LRRFIP1: variants seen among roughly 807,000 people sequenced by gnomAD.
The protein encoded by LRRFIP1 is LRR binding FLII interacting protein 1.
In LRRFIP1, 62 loss-of-function variants were observed where a neutral mutation model predicts 104.4. That is an observed-to-expected ratio of 0.59 (90% CI 0.48 to 0.73). The LOEUF is 0.73. Ranked by LOEUF, LRRFIP1 falls within the 30% of genes least tolerant of loss-of-function variation. The probability of loss-of-function intolerance (pLI) is 0.00; values close to 1 mark genes in which losing one functional copy is unlikely to be tolerated. For missense variants in LRRFIP1, 796 were observed against 824.5 expected, an observed-to-expected ratio of 0.97 and a Z score of 0.42; for synonymous variants, 300 against 299.0, an observed-to-expected ratio of 1.00 and a Z score of -0.03.
intron 2 of LRRFIP1, 192 bp downstream of exon 2, chr2:237,708,822 C>T: frequency 1.4e-6 from 1 of 709,720 alleles, no homozygotes; most frequent in Non-Finnish European, 2.6e-6. Flanking sequence ...CCAGGCGTGC[C>T]TGCTCAGACC....
chr2:237,745,918 T>C (rs955388472), intron 11 of LRRFIP1, among the ~76,000 whole-genome samples: 2 of 142,802 alleles, frequency 1.4e-5, no homozygotes, highest in East Asian at 3.9e-4. Flanking sequence ...CTTATTAATA[T>C]TTGTTCAGCA....
rs1486741473 is a variant in LRRFIP1 at position 237,735,617 on chromosome 2, A to G, written c.555+284A>G. ...GCCAACCATACTAACAGGTGGTGAA[A>G]CCGTCTTCGGTTAATAAAAACGGGA... On this transcript the variant is annotated intron_variant, in intron 10 of 23. Transcript: ENST00000308482. The surrounding 1 kb of genome is among the most constrained non-coding windows in gnomAD (Gnocchi z 4.6). 1.4e-5 allele frequency: 5 copies of G among 363,948 alleles called. No individual in the cohort carries two copies. The East Asian group carries it at 1.9e-4, about 14-fold the overall frequency. The allele number at this position is 363,948 out of a possible 1,614,324, so 22.5% of individuals were successfully genotyped here. A position where few individuals can be genotyped will look rare whatever the true frequency, so the allele number is the denominator to read the frequency against.
chr2:237,714,233 C>CT, intron 2 of LRRFIP1, 26 bp from the exon 3 acceptor site: 6 of 1,554,956 alleles, frequency 3.9e-6, no homozygotes, highest in Non-Finnish European at 5.3e-6. Context: ...TTTTACATTT[C>CT]TTTTTTCTTC....
chr2:237,695,376 G>A (rs1314914495), intron 1 of LRRFIP1, among the ~76,000 whole-genome samples: 1 of 152,200 alleles, frequency 6.6e-6, no homozygotes, highest in African/African-American at 2.4e-5. Flanking sequence ...CGGTGTTTCA[G>A]CGAAGTTGAT....
In LRRFIP1 at chr2:237,654,708, G is replaced by A. The variant is rs1047979049; in HGVS notation, c.96+26968G>A. Among the ~76,000 whole-genome samples the A allele has an allele frequency of 1.1e-4, 16 of 152,186 alleles. No individual in the cohort carries two copies. In the East Asian group the frequency reaches 1.2e-3, roughly 11 times the overall value. On this transcript the variant is annotated intron_variant, in intron 1 of 23. Transcript: ENST00000308482. ...TGGGATTACAGGCACCTGCCAGCAC[G>A]CCTGGCTACTTTTTGTATTTTTAGT...
At chr2:237,683,905 T>C (rs1223408706) in intron 1 of LRRFIP1, among the ~76,000 whole-genome samples, 1 of 152,206 alleles carries the variant, frequency 6.6e-6, no homozygotes, top group African/African-American at 2.4e-5. Context: ...CTCTGTATGC[T>C]ATGGGTACTG....
chr2:237,710,877 A>C (rs2094043840), intron 2 of LRRFIP1, among the ~76,000 whole-genome samples: 1 of 152,140 alleles, frequency 6.6e-6, no homozygotes, highest in South Asian at 2.1e-4. Context: ...TCTCTGTTGT[A>C]ATATTCCCAG....
At chr2:237,666,142 G>C (rs1255376073) in intron 1 of LRRFIP1, among the ~76,000 whole-genome samples, 1 of 152,212 alleles carries the variant, frequency 6.6e-6, no homozygotes, top group South Asian at 2.1e-4. Flanking sequence ...ACGTGGGCTT[G>C]TTTTAAGAAT....
chr2:237,704,667 C>G (rs572191564), intron 1 of LRRFIP1, among the ~76,000 whole-genome samples: 1 of 152,106 alleles, frequency 6.6e-6, no homozygotes, highest in Non-Finnish European at 1.5e-5. Context: ...CTTTGTTTTC[C>G]ACATATGAGT....
intron 13 of LRRFIP1, among the ~76,000 whole-genome samples, chr2:237,750,266 C>T (rs1303564111): frequency 1.3e-5 from 2 of 151,878 alleles, no homozygotes; most frequent in Non-Finnish European, 2.9e-5. Context: ...CACCCCTGGG[C>T]CACCTGCAGC....
chr2:237,751,364 C>T (rs1175661359), intron 14 of LRRFIP1, 93 bp downstream of exon 14: 10 of 1,031,912 alleles, frequency 9.7e-6, no homozygotes, highest in Middle Eastern at 2.1e-4. Flanking sequence ...AAAGTGCATG[C>T]TTACTGTAAA....
intron 8 of LRRFIP1, among the ~76,000 whole-genome samples, chr2:237,731,846 A>G (rs1286304430): frequency 3.3e-5 from 5 of 152,010 alleles, no homozygotes; most frequent in African/African-American, 1.2e-4. Context: ...CCACATGTGA[A>G]CTCGCCCTGA....
chr2:237,639,505 A>G (rs1048441093), intron 1 of LRRFIP1, among the ~76,000 whole-genome samples: 2 of 152,182 alleles, frequency 1.3e-5, no homozygotes, highest in African/African-American at 4.8e-5. Flanking sequence ...CCATCAAGCA[A>G]CCTAGCCTTG....
chr2:237,765,007 A>T (rs1266902727), intron 19 of LRRFIP1: 1 of 975,752 alleles, frequency 1.0e-6, no homozygotes, highest in African/African-American at 1.8e-5. Context: ...CATGCCTGTA[A>T]TCTCAGTACA....
chr2:237,773,523 G>C (rs970738193), intron 22 of LRRFIP1, among the ~76,000 whole-genome samples: 2 of 152,108 alleles, frequency 1.3e-5, no homozygotes, highest in Non-Finnish European at 2.9e-5. Context: ...GGGCAACAGC[G>C]AGACTCTGTC....
intron 1 of LRRFIP1, among the ~76,000 whole-genome samples, chr2:237,707,954 G>T (rs1171797513): frequency 6.6e-6 from 1 of 152,270 alleles, no homozygotes; most frequent in Non-Finnish European, 1.5e-5. Context: ...GAGGGTGCGT[G>T]TGTGCTGAGA....
At chr2:237,682,567 T>C (rs2091955263) in intron 1 of LRRFIP1, among the ~76,000 whole-genome samples, 2 of 152,184 alleles carry the variant, frequency 1.3e-5, no homozygotes, top group African/African-American at 4.8e-5. Context: ...TTCCCAGAGG[T>C]GCCGAGAAGC....
chr2:237,711,460 A>AG lies in LRRFIP1; in HGVS notation c.184-2797dup, dbSNP rs1159018135. On this transcript the variant is annotated intron_variant, in intron 2 of 23. Transcript: ENST00000308482. The surrounding 1 kb of genome is among the most constrained non-coding windows in gnomAD (Gnocchi z 4.4). ...CTGTGCTCTCACCAGCAGGGACCGG[A>AG]GGAGGGGGTGGTGTCCCTTGCAGGC... Among the ~76,000 whole-genome samples, 1 of 152,176 alleles carries AG rather than the reference A, an allele frequency of 6.6e-6. No individual in the cohort carries two copies. The highest frequency in any genetic ancestry group is 2.4e-5 in the African/African-American group (1 of 41,438).
rs73096889 is a variant in LRRFIP1, at chr2:237,691,147, A to G, written c.97-17397A>G. Among the ~76,000 whole-genome samples the G allele has an allele frequency of 0.11, 16,780 of 151,388 alleles. 2,889 individuals are homozygous for G. The highest frequency in any genetic ancestry group is 0.37 in the African/African-American group (15,136 of 40,778). ...CAGAGAAAAGGGAATTGGGAATTGG[A>G]GGGCTGTAAAATGTAAATGTGCTTT... On this transcript the variant is annotated intron_variant, in intron 1 of 23. Coordinates refer to ENST00000308482, the MANE Select transcript of LRRFIP1 (RefSeq NM_001137550.2). The surrounding 1 kb of genome is among the most constrained non-coding windows in gnomAD (Gnocchi z 5.4).
Sources: allele counts gnomAD v4.1 joint callset (sites outside exome capture counted in the v4.1 genomes callset), GRCh38; gene constraint gnomAD v4.1.1; non-coding constraint Gnocchi (gnomAD v3.1); transcripts MANE v1.5; gene names NCBI Gene and HGNC (gene_info 2026-07-23, HGNC 2026-07-21).